Variants in RPS6KA5 observed in about 807,000 individuals in gnomAD.
RPS6KA5 encodes ribosomal protein S6 kinase alpha-5.
Under a neutral mutation model 85.5 loss-of-function variants are expected in RPS6KA5, and 27 were observed. The observed-to-expected ratio is 0.32, with a 90% CI of 0.23 to 0.44. RPS6KA5 has a LOEUF of 0.44. RPS6KA5 is among the 20% of genes least tolerant of loss of function. RPS6KA5 has a pLI of 1.00. For missense variants in RPS6KA5, 811 were observed against 980.9 expected (o/e 0.83, Z 2.31); for synonymous variants, 334 against 348.2 (o/e 0.96, Z 0.46).
In RPS6KA5 at chr14:91,048,080, T is replaced by C. The variant is rs146988242; in HGVS notation, c.103+12252A>G. Among the ~76,000 whole-genome samples, 48 of 152,290 alleles carry C rather than the reference T, an allele frequency of 3.2e-4. 1 individual carries two copies. Among genetic ancestry groups the C allele is most frequent in the African/African-American group, 1.1e-3 (46 of 41,566 alleles). On this transcript the variant is annotated intron_variant, in intron 1 of 16. Transcript: ENST00000614987. ...CATGTAAGACAACATGTTTGCGGGTTCCAGGGATTAGGATGTGGGTATCTT... is the reference window on the plus strand; with the variant it reads ...CATGTAAGACAACATGTTTGCGGGTCCCAGGGATTAGGATGTGGGTATCTT...
chr14:90,857,673 A>T lies in RPS6KA5; in HGVS notation c.*14401T>A, dbSNP rs1482381577. 4.6e-5 allele frequency: 7 copies of T among 152,314 alleles called. No homozygotes were observed. The South Asian group carries it at 1.0e-3, about 23-fold the overall frequency. The allele number at this position is 152,314 out of a possible 1,614,324, so 9.4% of individuals were successfully genotyped here. On this transcript the variant is annotated 3_prime_UTR_variant, in exon 17 of 17. Coordinates refer to ENST00000614987, the MANE Select transcript of RPS6KA5 (RefSeq NM_004755.4). ...TCTACAGAGTTTTTTCAAAAGGCTA[A>T]AAATATTTATATAAAGAAGATGTAA...
At chr14:90,976,859 C>T (rs2039593254) in intron 3 of RPS6KA5, among the ~76,000 whole-genome samples, 1 of 152,010 alleles carries the variant, frequency 6.6e-6, no homozygotes, top group South Asian at 2.1e-4. Context: ...AAGGTGAATG[C>T]AATCTTAGGT....
chr14:90,987,375 T>C (rs1566830359), intron 2 of RPS6KA5, among the ~76,000 whole-genome samples: 3 of 152,110 alleles, frequency 2.0e-5, no homozygotes, highest in Non-Finnish European at 4.4e-5. Flanking sequence ...CATCAAAAAG[T>C]AGCAATGTCT....
In RPS6KA5 at chr14:91,001,122, T is replaced by G; in HGVS notation, c.141A>C (p.Glu47Asp). ...CTAGGACCTTCAGGAGCTCAAAATT[T>G]TCTATTCCCACCTTCTCAGCATGTC... ...LTGHAEKVGIENFELLKVLGT... is the reference protein window; with the variant it reads ...LTGHAEKVGIDNFELLKVLGT... The change falls in exon 2 of 17, where the codon GAA becomes GAC. Residue 47 changes from glutamate to aspartate, a missense_variant. By Grantham distance (45) the Glu-to-Asp change is conservative. This residue lies in a region of RPS6KA5 where 113 missense variants were observed against 100.0 expected (regional missense o/e 1.13). Transcript: ENST00000614987. 6.2e-7 allele frequency: 1 copy of G among 1,603,546 alleles called. No individual in the cohort carries two copies. Among genetic ancestry groups the G allele is most frequent in the East Asian group, 2.2e-5 (1 of 44,742 alleles).
chr14:90,920,452 T>C lies in RPS6KA5; in HGVS notation c.703-143A>G, dbSNP rs2036346867. Reference sequence around the variant, plus strand: ...CTCCTTCTATGTAAGGAGTATTAAATTAACACATGCAAGAAAGACATTTAG... The same window carrying C: ...CTCCTTCTATGTAAGGAGTATTAAACTAACACATGCAAGAAAGACATTTAG... On this transcript the variant is annotated intron_variant, in intron 6 of 16. Coordinates refer to ENST00000614987, the MANE Select transcript of RPS6KA5 (RefSeq NM_004755.4). The C allele has an allele frequency of 9.9e-6, 6 of 604,392 alleles. No homozygotes were observed. The East Asian group carries it at 1.7e-4, about 17-fold the overall frequency. The allele number at this position is 604,392 out of a possible 1,614,324, so 37.4% of individuals were successfully genotyped here. A position where few individuals can be genotyped will look rare whatever the true frequency, so the allele number is the denominator to read the frequency against.
intron 5 of RPS6KA5, among the ~76,000 whole-genome samples, chr14:90,930,763 T>C (rs539271866): frequency 2.0e-5 from 3 of 152,234 alleles, no homozygotes; most frequent in Admixed American, 6.5e-5. Flanking sequence ...ATACAAATGG[T>C]TAACAGCATA....
intron 2 of RPS6KA5, among the ~76,000 whole-genome samples, chr14:90,983,519 G>T (rs1354077842): frequency 6.6e-6 from 1 of 151,112 alleles, no homozygotes; most frequent in East Asian, 2.0e-4. Flanking sequence ...AGAATTGCTG[G>T]AACCCAGGAG....
At chr14:91,035,906 T>A (rs1157414134) in intron 1 of RPS6KA5, among the ~76,000 whole-genome samples, 19 of 58,882 alleles carry the variant, frequency 3.2e-4, no homozygotes, top group African/African-American at 7.1e-4. Flanking sequence ...AATATGGTAA[T>A]ACAACACTCC....
rs189608990 is a variant in RPS6KA5 at position 90,888,845 on chromosome 14, A to C, written c.1836+1642T>G. 1.5e-3 allele frequency among the ~76,000 whole-genome samples: 230 copies of C among 152,326 alleles called. 1 individual carries two copies. The highest frequency in any genetic ancestry group is 2.6e-3 in the Non-Finnish European group (178 of 68,030). ...AAATCCTTCTAAAAACAAAATCAAA[A>C]TACCGTATTACCATAAACAAAGTTT... is the stretch of plus-strand genomic sequence containing the variant. On this transcript the variant is annotated intron_variant, in intron 14 of 16. Transcript: ENST00000614987.
intron 2 of RPS6KA5, among the ~76,000 whole-genome samples, chr14:90,991,783 A>G (rs1166215137): frequency 1.3e-5 from 2 of 151,934 alleles, no homozygotes; most frequent in Non-Finnish European, 2.9e-5. Flanking sequence ...AAATTATTTA[A>G]AAGTTTCTAG....
chr14:90,884,272 G>A (rs933924365), intron 14 of RPS6KA5, among the ~76,000 whole-genome samples: 1 of 152,176 alleles, frequency 6.6e-6, no homozygotes, highest in African/African-American at 2.4e-5. Flanking sequence ...TGGGGAATGG[G>A]TGGCTGCTGT....
chr14:91,019,353 T>C (rs146058800), intron 1 of RPS6KA5, among the ~76,000 whole-genome samples: 17 of 152,242 alleles, frequency 1.1e-4, no homozygotes, highest in African/African-American at 4.1e-4. Flanking sequence ...ATCCAATCAG[T>C]TGAAGGCCTT....
At chr14:91,029,063 A>G (rs1400099464) in intron 1 of RPS6KA5, among the ~76,000 whole-genome samples, 1 of 152,224 alleles carries the variant, frequency 6.6e-6, no homozygotes, top group South Asian at 2.1e-4. Context: ...TAAAGTATCT[A>G]TAATATCTGG....
At chr14:90,880,805 C>T (rs1022408962) in intron 14 of RPS6KA5, among the ~76,000 whole-genome samples, 5 of 150,826 alleles carry the variant, frequency 3.3e-5, no homozygotes, top group Non-Finnish European at 7.4e-5. Context: ...TATGAGGACC[C>T]TCTGACCCTC....
chr14:91,034,132 C>A (rs1191133265), intron 1 of RPS6KA5, among the ~76,000 whole-genome samples: 1 of 151,862 alleles, frequency 6.6e-6, no homozygotes, highest in Non-Finnish European at 1.5e-5. Context: ...CACAGCAAAA[C>A]CCTTACATAA....
chr14:90,970,632 A>T (rs2039275402), intron 3 of RPS6KA5, among the ~76,000 whole-genome samples: 1 of 152,254 alleles, frequency 6.6e-6, no homozygotes, highest in Non-Finnish European at 1.5e-5. Flanking sequence ...ACCAGAAAAC[A>T]TCAAAAGAAA....
chr14:90,971,192 C>CT (rs2039302900), intron 3 of RPS6KA5, among the ~76,000 whole-genome samples: 1 of 152,118 alleles, frequency 6.6e-6, no homozygotes, highest in Non-Finnish European at 1.5e-5. Flanking sequence ...TGGCACATGC[C>CT]TGTAAACCCA....
At chr14:90,880,641 T>C (rs1482582715) in intron 14 of RPS6KA5, among the ~76,000 whole-genome samples, 1 of 152,128 alleles carries the variant, frequency 6.6e-6, no homozygotes, top group East Asian at 1.9e-4. Flanking sequence ...TTATTGAGAG[T>C]TGGGTATTGA....
At chr14:90,959,524 T>C (rs2038691126) in intron 3 of RPS6KA5, among the ~76,000 whole-genome samples, 1 of 151,956 alleles carries the variant, frequency 6.6e-6, no homozygotes, top group Non-Finnish European at 1.5e-5. Flanking sequence ...ACTAAAGAGA[T>C]GGAGTGGGTG....
Sources: allele counts gnomAD v4.1 joint callset (sites outside exome capture counted in the v4.1 genomes callset), GRCh38; gene constraint gnomAD v4.1.1; regional missense constraint gnomAD v4.1.1; transcripts MANE v1.5; gene names NCBI Gene and HGNC (gene_info 2026-07-23, HGNC 2026-07-21).